Variants in DIPK2A observed in about 807,000 individuals in gnomAD.
DIPK2A encodes the protein Golgi Protein of 49 kDa.
Under a neutral mutation model 39.0 loss-of-function variants are expected in DIPK2A, and 27 were observed. The ratio of observed to expected loss-of-function variants is 0.69; its 90% CI spans 0.51 to 0.96. DIPK2A has a LOEUF of 0.96. Among genes scored for constraint, DIPK2A ranks in the 40% least tolerant of loss-of-function variants. The pLI is 0.00. For synonymous variants in DIPK2A, 298 were observed against 240.8 expected (o/e 1.24, Z -2.20); for missense variants, 528 against 571.3 (o/e 0.92, Z 0.77).
rs755349514 is a variant in DIPK2A, at chr3:143,989,751, G to A, written c.1203G>A (p.Glu401=). The A allele has an allele frequency of 8.7e-6, 14 of 1,614,112 alleles. No homozygotes were observed. Among genetic ancestry groups the A allele is most frequent in the Non-Finnish European group, 1.2e-5 (14 of 1,180,056 alleles). The change falls in exon 3 of 3, where the codon GAG becomes GAA. Residue 401 remains glutamate, a synonymous_variant. Coordinates refer to ENST00000315691, the MANE Select transcript of DIPK2A (RefSeq NM_173552.5). ...GCCGGCTCGAGGCCTTGCTGGATGA[G>A]TGTGCCAACCCAAAGAAGCGCTATG... is the stretch of plus-strand genomic sequence containing the variant. ...KDGRLEALLD[E]CANPKKRYGR...
At position 143,991,140 on chromosome 3, in the gene DIPK2A, A is replaced by G. The variant is rs747400246; in HGVS notation, c.*1299A>G. The G allele has an allele frequency of 4.5e-5, 4 of 89,856 alleles. No individual in the cohort carries two copies. The highest frequency in any genetic ancestry group is 3.4e-4 in the South Asian group (1 of 2,974). The allele number at this position is 89,856 out of a possible 1,614,324, so 5.6% of individuals were successfully genotyped here. The stretch of plus-strand genomic sequence containing the variant: ...TGTGGGCTCTTTATATAAGTTGACT[A>G]TCACTAACAGGTAATATTTTTCTGT... On this transcript the variant is annotated 3_prime_UTR_variant, in exon 3 of 3. Coordinates refer to ENST00000315691, the MANE Select transcript of DIPK2A (RefSeq NM_173552.5).
At chr3:143,975,369 C>A (rs2087713961) in intron 1 of DIPK2A, among the ~76,000 whole-genome samples, 1 of 151,998 alleles carries the variant, frequency 6.6e-6, no homozygotes, top group South Asian at 2.1e-4. Flanking sequence ...TAAGAGTTTT[C>A]AGAGAGCCGC....
rs1482173209 is a variant in DIPK2A at position 143,991,455 on chromosome 3, C to T, written c.*1614C>T. ...TGAAATAGCATTAACTAGGATAATG[C>T]TTTCATGTTATTTTATTGTCTTGTG... On this transcript the variant is annotated 3_prime_UTR_variant, in exon 3 of 3. Coordinates refer to ENST00000315691, the MANE Select transcript of DIPK2A (RefSeq NM_173552.5). 1 of 152,520 alleles carries T rather than the reference C, an allele frequency of 6.6e-6. No homozygotes were observed. The highest frequency in any genetic ancestry group is 2.4e-5 in the African/African-American group (1 of 41,426). The allele number at this position is 152,520 out of a possible 1,614,324, so 9.4% of individuals were successfully genotyped here. A position where few individuals can be genotyped will look rare whatever the true frequency, so the allele number is the denominator to read the frequency against.
At chr3:143,973,575 T>A in intron 1 of DIPK2A, 1 of 1,531,844 alleles carries the variant, frequency 6.5e-7, no homozygotes, top group South Asian at 1.2e-5. Context: ...GGGTTTAATC[T>A]GTGAGCCGAG....
intron 1 of DIPK2A, 113 bp from the exon 2 acceptor site, chr3:143,985,430 A>C (rs1469689073): frequency 3.3e-6 from 3 of 904,408 alleles, no homozygotes; most frequent in Non-Finnish European, 5.1e-6. Context: ...TGTTGAATGT[A>C]ATAAGAAAAT....
chr3:143,980,392 C>T (rs1423003933), intron 1 of DIPK2A, among the ~76,000 whole-genome samples: 6 of 152,124 alleles, frequency 3.9e-5, no homozygotes, highest in East Asian at 1.9e-4. Context: ...CTCAGCCTCC[C>T]GAGTAGCTGG....
chr3:143,975,603 A>T (rs146990987), intron 1 of DIPK2A, among the ~76,000 whole-genome samples: 2,369 of 152,188 alleles, frequency 0.016, 31 homozygotes, highest in South Asian at 0.032. Flanking sequence ...GGTTTTTATA[A>T]AACTGTTTAT....
chr3:143,978,682 CTA>C (rs1156833163), intron 1 of DIPK2A, among the ~76,000 whole-genome samples: 5,773 of 55,944 alleles, frequency 0.1, 235 homozygotes, highest in African/African-American at 0.2. Flanking sequence ...ATATATATAT[CTA>C]TATATATATA....
intron 1 of DIPK2A, chr3:143,973,830 G>A (rs939298490): frequency 1.3e-5 from 7 of 524,418 alleles, no homozygotes; most frequent in Non-Finnish European, 2.1e-5. Context: ...GTGCCTTTTA[G>A]GGGAATAGGA....
intron 1 of DIPK2A, among the ~76,000 whole-genome samples, chr3:143,974,648 G>T (rs1443516601): frequency 6.6e-6 from 1 of 152,208 alleles, no homozygotes; most frequent in African/African-American, 2.4e-5. Flanking sequence ...GCAAGGAGCT[G>T]TCTTAGTAAT....
intron 1 of DIPK2A, chr3:143,973,482 C>T (rs190448698): frequency 2.6e-6 from 4 of 1,550,568 alleles, no homozygotes; most frequent in Admixed American, 2.0e-5. Flanking sequence ...TGTTTTCGCT[C>T]ATTTACCTGG....
In DIPK2A at chr3:143,990,626, G is replaced by A. The variant is rs542535650; in HGVS notation, c.*785G>A. The A allele has an allele frequency of 1.3e-3, 197 of 152,282 alleles. No homozygotes were observed. The highest frequency in any genetic ancestry group is 2.0e-3 in the Non-Finnish European group (135 of 67,902). The allele number at this position is 152,282 out of a possible 1,614,324, so 9.4% of individuals were successfully genotyped here. A position where few individuals can be genotyped will look rare whatever the true frequency, so the allele number is the denominator to read the frequency against. ...AAATGTCATTTTATCTTTTCTAAAG[G>A]CTTTAAGAAGAATATACTAGAATCT... On this transcript the variant is annotated 3_prime_UTR_variant, in exon 3 of 3. Coordinates refer to ENST00000315691, the MANE Select transcript of DIPK2A (RefSeq NM_173552.5).
intron 1 of DIPK2A, chr3:143,978,568 C>T (rs1426729648): frequency 1.4e-5 from 2 of 145,230 alleles, no homozygotes; most frequent in Admixed American, 7.0e-5. Flanking sequence ...TTTAATAAGC[C>T]CTGTACAAAA....
In DIPK2A at chr3:143,990,304, T is replaced by A. The variant is rs992423756; in HGVS notation, c.*463T>A. The A allele has an allele frequency of 2.0e-5, 3 of 152,950 alleles. No individual in the cohort carries two copies. Among genetic ancestry groups the A allele is most frequent in the African/African-American group, 7.2e-5 (3 of 41,452 alleles). 9.5% of individuals were successfully genotyped at this position (152,950 alleles called of 1,614,324 possible). A position where few individuals can be genotyped will look rare whatever the true frequency, so the allele number is the denominator to read the frequency against. On this transcript the variant is annotated 3_prime_UTR_variant, in exon 3 of 3. Transcript: ENST00000315691. ...ATGTGTAGGGTTTTTTCCCCCTTTTTTTTTTTAATTAAATTTTGAAAATTC... is the reference window on the plus strand; with the variant it reads ...ATGTGTAGGGTTTTTTCCCCCTTTTATTTTTTAATTAAATTTTGAAAATTC...
In DIPK2A at chr3:143,992,260, G is replaced by T. The variant is rs1490181483; in HGVS notation, c.*2419G>T. ...ATTAAAATTGTCTTTTGTACTGTAA[G>T]TTACTGTTAATTTGAATATTTTATT... On this transcript the variant is annotated 3_prime_UTR_variant, in exon 3 of 3. Coordinates refer to ENST00000315691, the MANE Select transcript of DIPK2A (RefSeq NM_173552.5). 6.6e-6 allele frequency: 1 copy of T among 152,530 alleles called. No individual in the cohort carries two copies. The highest frequency in any genetic ancestry group is 1.5e-5 in the Non-Finnish European group (1 of 67,990). The allele number at this position is 152,530 out of a possible 1,614,324, so 9.4% of individuals were successfully genotyped here. A position where few individuals can be genotyped will look rare whatever the true frequency, so the allele number is the denominator to read the frequency against.
At chr3:143,973,418 TC>T in intron 1 of DIPK2A, 1 of 1,550,526 alleles carries the variant, frequency 6.4e-7, no homozygotes, top group Non-Finnish European at 8.7e-7. Context: ...TACACCGCGT[TC>T]GCTCTTCCTT....
At chr3:143,975,958 A>G (rs548952780) in intron 1 of DIPK2A, among the ~76,000 whole-genome samples, 1 of 152,216 alleles carries the variant, frequency 6.6e-6, no homozygotes, top group East Asian at 1.9e-4. Flanking sequence ...TAAGAACTGA[A>G]AAATACTTAC....
At chr3:143,988,750 G>A (rs779514890) in intron 2 of DIPK2A, among the ~76,000 whole-genome samples, 14 of 151,846 alleles carry the variant, frequency 9.2e-5, no homozygotes, top group Non-Finnish European at 1.6e-4. Context: ...ATAAAATATT[G>A]ACACTATTAT....
chr3:143,973,305 G>T (rs902393635), intron 1 of DIPK2A: 10 of 1,526,732 alleles, frequency 6.5e-6, no homozygotes, highest in Admixed American at 2.0e-5. Context: ...GTTTCCTTCC[G>T]CTCTCTACCC....
Sources: allele counts gnomAD v4.1 joint callset (sites outside exome capture counted in the v4.1 genomes callset), GRCh38; gene constraint gnomAD v4.1.1; transcripts MANE v1.5; gene names NCBI Gene and HGNC (gene_info 2026-07-23, HGNC 2026-07-21).